The following KCNK10 variants were observed in gnomAD, a reference collection of about 807,000 sequenced individuals.
KCNK10 encodes the protein potassium two pore domain channel subfamily K member 10, also known as potassium channel subfamily K member 10.
In KCNK10, 25 loss-of-function variants were observed where a neutral mutation model predicts 47.7. The ratio of observed to expected loss-of-function variants is 0.52; its 90% CI spans 0.38 to 0.73. The LOEUF is 0.73. KCNK10 is among the 30% of genes least tolerant of loss of function. KCNK10 has a pLI of 0.00. For missense variants in KCNK10, 563 were observed against 714.5 expected, an observed-to-expected ratio of 0.79 and a Z score of 2.42; for synonymous variants, 303 against 285.6, an observed-to-expected ratio of 1.06 and a Z score of -0.61.
chr14:88,239,833 T>C (rs1056220808), intron 3 of KCNK10, among the ~76,000 whole-genome samples: 3 of 151,626 alleles, frequency 2.0e-5, no homozygotes, highest in Non-Finnish European at 2.9e-5. Context: ...CACTCCAGCC[T>C]GGGTGATAAG....
chr14:88,290,280 C>T (rs2139780149), intron 1 of KCNK10, among the ~76,000 whole-genome samples: 1 of 152,234 alleles, frequency 6.6e-6, no homozygotes, highest in Non-Finnish European at 1.5e-5. Flanking sequence ...GAAACATGAG[C>T]AGCCTTTAGA....
intron 1 of KCNK10, among the ~76,000 whole-genome samples, chr14:88,267,531 C>T (rs908494695): frequency 6.6e-6 from 1 of 151,962 alleles, no homozygotes; most frequent in African/African-American, 2.4e-5. Context: ...CCACCATGCC[C>T]GGCTGATTTT....
At chr14:88,308,578 G>A (rs979743138) in intron 1 of KCNK10, among the ~76,000 whole-genome samples, 15 of 152,238 alleles carry the variant, frequency 9.9e-5, no homozygotes, top group African/African-American at 2.7e-4. Flanking sequence ...GCGTGCACAC[G>A]CATCCCGGCA....
intron 1 of KCNK10, among the ~76,000 whole-genome samples, chr14:88,307,640 T>C (rs1888231050): frequency 6.6e-6 from 1 of 152,224 alleles, no homozygotes; most frequent in African/African-American, 2.4e-5. Context: ...CTCTTATTTT[T>C]TAAAAATAGA....
intron 3 of KCNK10, among the ~76,000 whole-genome samples, chr14:88,229,216 A>G (rs947269945): frequency 2.6e-5 from 4 of 152,174 alleles, no homozygotes; most frequent in Non-Finnish European, 5.9e-5. Flanking sequence ...GCATCTCATT[A>G]ATCCTGACAA....
intron 1 of KCNK10, among the ~76,000 whole-genome samples, chr14:88,318,745 A>G (rs753751511): frequency 8.5e-5 from 13 of 152,206 alleles, no homozygotes; most frequent in Non-Finnish European, 1.6e-4. Context: ...GAGGTAGACA[A>G]AGGCAATGAC....
intron 3 of KCNK10, among the ~76,000 whole-genome samples, chr14:88,232,226 AC>A (rs1201969722): frequency 6.6e-6 from 1 of 152,230 alleles, no homozygotes; most frequent in Admixed American, 6.5e-5. Context: ...ATCAAAGAAT[AC>A]ACTTTTCAAA....
intron 1 of KCNK10, among the ~76,000 whole-genome samples, chr14:88,276,390 C>T (rs894359326): frequency 6.6e-6 from 1 of 151,990 alleles, no homozygotes; most frequent in Admixed American, 6.5e-5. Flanking sequence ...TCCCAGCCTC[C>T]AGAACCATGA....
Position 88,182,497 on chromosome 14 carries a change from G to A in KCNK10, c.*3038C>T, listed in dbSNP as rs1041978825. 1.3e-5 allele frequency: 2 copies of A among 152,314 alleles called. No individual in the cohort carries two copies. The highest frequency in any genetic ancestry group is 4.8e-5 in the African/African-American group (2 of 41,452). 9.4% of individuals were successfully genotyped at this position (152,314 alleles called of 1,614,324 possible). On this transcript the variant is annotated 3_prime_UTR_variant, in exon 7 of 7. Coordinates refer to ENST00000319231, the MANE Select transcript of KCNK10 (RefSeq NM_138317.3). ...CTCCAAAATTAGTTTATATGAAGAG[G>A]AATCCAACCTCTTATTCTCTCTCAG...
At chr14:88,258,153 C>T (rs1887010986) in intron 2 of KCNK10, among the ~76,000 whole-genome samples, 1 of 152,114 alleles carries the variant, frequency 6.6e-6, no homozygotes, top group African/African-American at 2.4e-5. Flanking sequence ...AATAATAATC[C>T]TTTTGTGAGC....
intron 1 of KCNK10, among the ~76,000 whole-genome samples, chr14:88,304,154 A>AAAAT (rs111634192): frequency 0.012 from 1,854 of 152,166 alleles, 48 homozygotes; most frequent in African/African-American, 0.043. Context: ...TCTCCACAAA[A>AAAAT]AAATAAATAA....
At chr14:88,208,872 A>T (rs547406370) in intron 4 of KCNK10, among the ~76,000 whole-genome samples, 1 of 152,232 alleles carries the variant, frequency 6.6e-6, no homozygotes, top group East Asian at 1.9e-4. Flanking sequence ...ACTACTCGGG[A>T]GTGAGAGGGG....
In KCNK10 at chr14:88,185,232, G is replaced by A. The variant is rs762047573; in HGVS notation, c.*303C>T. The A allele has an allele frequency of 3.2e-5, 11 of 339,712 alleles. No individual in the cohort carries two copies. Among genetic ancestry groups the A allele is most frequent in the Non-Finnish European group, 5.4e-5 (10 of 184,244 alleles). The allele number at this position is 339,712 out of a possible 1,614,324, so 21.0% of individuals were successfully genotyped here. On this transcript the variant is annotated 3_prime_UTR_variant, in exon 7 of 7. Transcript: ENST00000319231. The surrounding 1 kb of genome is among the most constrained non-coding windows in gnomAD (Gnocchi z 4.3). ...CTGCCCTTGTCTACGTGTGTGCCCA[G>A]GTAGCACTGCCCAGGGGTACAGCAC...
intron 1 of KCNK10, among the ~76,000 whole-genome samples, chr14:88,302,041 AC>A (rs1392905677): frequency 6.6e-6 from 1 of 152,146 alleles, no homozygotes; most frequent in Non-Finnish European, 1.5e-5. Flanking sequence ...ATGGAGAGAA[AC>A]AAACAGATTC....
intron 5 of KCNK10, 69 bp downstream of exon 5, chr14:88,192,155 C>T (rs1220340694): frequency 2.8e-6 from 4 of 1,437,518 alleles, no homozygotes; most frequent in African/African-American, 1.4e-5. Context: ...TTATCGATTG[C>T]GAAAAGCACA....
rs411418 is a variant in KCNK10, at chr14:88,180,662, A to C, written c.*4873T>G. 276,394 of 397,316 alleles carry C rather than the reference A, an allele frequency of 0.7. 96,510 individuals are homozygous for C. The highest frequency in any genetic ancestry group is 0.8 in the East Asian group (22,408 of 28,158). The allele number at this position is 397,316 out of a possible 1,614,324, so 24.6% of individuals were successfully genotyped here. A position where few individuals can be genotyped will look rare whatever the true frequency, so the allele number is the denominator to read the frequency against. On this transcript the variant is annotated 3_prime_UTR_variant, in exon 7 of 7. Transcript: ENST00000319231. ...CTCAGGCACCTGTGAAAATGATAAT[A>C]ACTTTCAGTAAAATCAGAGACACCT...
At chr14:88,235,679 T>G (rs954508024) in intron 3 of KCNK10, among the ~76,000 whole-genome samples, 5 of 151,914 alleles carry the variant, frequency 3.3e-5, no homozygotes, top group Non-Finnish European at 7.4e-5. Flanking sequence ...ATTAACAAAA[T>G]GAAAACTAGA....
rs74069519 is a variant in KCNK10, at chr14:88,272,555, G to A, written c.53-9004C>T. On this transcript the variant is annotated intron_variant, in intron 1 of 6. Coordinates refer to ENST00000319231, the MANE Select transcript of KCNK10 (RefSeq NM_138317.3). The stretch of plus-strand genomic sequence containing the variant: ...ATTTGGGAAATTACCTCAGGTCTGC[G>A]TGTCAGGACTAGAGGGTGTGAAGAT... 1.0e-2 allele frequency among the ~76,000 whole-genome samples: 1,516 copies of A among 152,240 alleles called. 30 individuals carry two copies. Among genetic ancestry groups the A allele is most frequent in the African/African-American group, 0.035 (1,459 of 41,534 alleles).
intron 4 of KCNK10, among the ~76,000 whole-genome samples, chr14:88,223,066 A>G (rs1029041858): frequency 7.9e-5 from 12 of 152,326 alleles, no homozygotes; most frequent in Admixed American, 6.5e-4. Flanking sequence ...AGGGAAAGCC[A>G]GGAAGGAAGG....
Sources: allele counts gnomAD v4.1 joint callset (sites outside exome capture counted in the v4.1 genomes callset), GRCh38; gene constraint gnomAD v4.1.1; non-coding constraint Gnocchi (gnomAD v3.1); transcripts MANE v1.5; gene names NCBI Gene and HGNC (gene_info 2026-07-23, HGNC 2026-07-21).